The following ZMPSTE24 variants were observed in gnomAD, a reference collection of about 807,000 sequenced individuals.
ZMPSTE24 encodes CAAX prenyl protease 1 homolog.
Under a neutral mutation model 56.7 loss-of-function variants are expected in ZMPSTE24, and 48 were observed. The observed-to-expected ratio is 0.85, with a 90% CI of 0.67 to 1.08. ZMPSTE24 has a LOEUF of 1.08. Among genes scored for constraint, ZMPSTE24 ranks in the 50% least tolerant of loss-of-function variants. The pLI is 0.00. For synonymous variants in ZMPSTE24, 172 were observed against 195.2 expected, an observed-to-expected ratio of 0.88 and a Z score of 0.99; for missense variants, 503 against 548.7, an observed-to-expected ratio of 0.92 and a Z score of 0.83.
chr1:40,285,952 G>A lies in ZMPSTE24; in HGVS notation c.982G>A (p.Glu328Lys). The A allele has an allele frequency of 6.2e-7, 1 of 1,613,826 alleles. No homozygotes were observed. The highest frequency in any genetic ancestry group is 8.5e-7 in the Non-Finnish European group (1 of 1,179,844). Residue 328 changes from glutamate (E) to lysine (K), a missense_variant, in exon 8 of 10, where the codon GAG (glutamate) becomes AAG (lysine). Glu to Lys is a moderately conservative substitution (Grantham distance 56). Coordinates refer to ENST00000372759, the MANE Select transcript of ZMPSTE24 (RefSeq NM_005857.5). Reference protein sequence around the residue: ...KNKKQGCKNEEVLAVLGHELG... With the variant: ...KNKKQGCKNEKVLAVLGHELG... ...TAAGAAACAAGGATGTAAAAATGAG[G>A]AGGTACTCGCTGTACTAGGCCATGA... is the stretch of plus-strand genomic sequence containing the variant.
intron 8 of ZMPSTE24, among the ~76,000 whole-genome samples, chr1:40,287,689 A>T (rs1447936293): frequency 6.7e-6 from 1 of 150,052 alleles, no homozygotes; most frequent in African/African-American, 2.4e-5. Context: ...AAAAAAAAAA[A>T]AGTTGCCATA....
intron 2 of ZMPSTE24, 38 bp from the exon 3 acceptor site, chr1:40,267,748 A>G (rs1643570216): frequency 7.2e-7 from 1 of 1,398,008 alleles, no homozygotes; most frequent in South Asian, 1.2e-5. Flanking sequence ...AGTTTCTAGT[A>G]CTGTTCAACT....
At chr1:40,275,516 C>G (rs188978325) in intron 6 of ZMPSTE24, among the ~76,000 whole-genome samples, 281 of 151,932 alleles carry the variant, frequency 1.8e-3, no homozygotes, top group Non-Finnish European at 2.9e-3. Flanking sequence ...CTTTGAGAGG[C>G]TGAGGCAGGT....
rs1643862841 is a variant in ZMPSTE24 at position 40,293,511 on chromosome 1, A to G, written c.*842A>G. 1 of 152,238 alleles carries G rather than the reference A, an allele frequency of 6.6e-6. No individual in the cohort carries two copies. The allele number at this position is 152,238 out of a possible 1,614,324, so 9.4% of individuals were successfully genotyped here. A position where few individuals can be genotyped will look rare whatever the true frequency, so the allele number is the denominator to read the frequency against. Reference sequence around the variant, plus strand: ...ATTAAACACGTTTTGCTATGTTAAAAGTGGCAGAACAGGAAAGACGAATTA... The same window carrying G: ...ATTAAACACGTTTTGCTATGTTAAAGGTGGCAGAACAGGAAAGACGAATTA... On this transcript the variant is annotated 3_prime_UTR_variant, in exon 10 of 10. Transcript: ENST00000372759.
intron 1 of ZMPSTE24, 142 bp downstream of exon 1, chr1:40,258,536 C>T: frequency 3.4e-6 from 5 of 1,452,386 alleles, no homozygotes; most frequent in Non-Finnish European, 4.7e-6. Context: ...GTAACTTGGC[C>T]CGATGGCGGA....
At chr1:40,290,377 C>G (rs1206628054) in intron 8 of ZMPSTE24, among the ~76,000 whole-genome samples, 6 of 145,574 alleles carry the variant, frequency 4.1e-5, no homozygotes, top group African/African-American at 1.5e-4. Flanking sequence ...AGAGTGAGAT[C>G]TGTCTCAAAA....
rs766202821 is a variant in ZMPSTE24 at position 40,281,341 on chromosome 1, A to G, written c.770-2A>G. The G allele has an allele frequency of 6.2e-7, 1 of 1,613,836 alleles. No homozygotes were observed. On this transcript the variant is annotated splice_acceptor_variant, in intron 6 of 9. Transcript: ENST00000372759. LOFTEE classifies it high-confidence loss of function. ...CCATGCTTTGAACTGTCTTTTCCTT[A>G]GGATCTAAACGCTCTTCCCACAGCA...
At chr1:40,277,492 A>G (rs1050606634) in intron 6 of ZMPSTE24, among the ~76,000 whole-genome samples, 1 of 152,112 alleles carries the variant, frequency 6.6e-6, no homozygotes, top group African/African-American at 2.4e-5. Context: ...TGTTTCCAGT[A>G]TCTACTTCTA....
intron 1 of ZMPSTE24, 72 bp from the exon 2 acceptor site, chr1:40,260,767 C>A: frequency 6.6e-7 from 1 of 1,507,464 alleles, no homozygotes; most frequent in Non-Finnish European, 9.2e-7. Context: ...ATAAACCATT[C>A]GATGTTTGAT....
At position 40,290,788 on chromosome 1, in the gene ZMPSTE24, A is replaced by G; in HGVS notation, c.1060-66A>G. ...CACTGTGATTTCTTATACTTTATGGATGCTACTGATCCCATAGTGAAATCA... is the reference window on the plus strand; with the variant it reads ...CACTGTGATTTCTTATACTTTATGGGTGCTACTGATCCCATAGTGAAATCA... On this transcript the variant is annotated intron_variant, in intron 8 of 9. Transcript: ENST00000372759. 4 of 1,580,430 alleles carry G rather than the reference A, an allele frequency of 2.5e-6. No homozygotes were observed. In the South Asian group the frequency reaches 3.3e-5, roughly 13 times the overall value.
chr1:40,276,987 A>G (rs1643677075), intron 6 of ZMPSTE24, among the ~76,000 whole-genome samples: 2 of 151,964 alleles, frequency 1.3e-5, no homozygotes, highest in Admixed American at 6.6e-5. Context: ...ACTGTCCTAT[A>G]TGTAGTCTGT....
chr1:40,283,335 T>A (rs1020396071), intron 7 of ZMPSTE24, among the ~76,000 whole-genome samples: 2 of 151,906 alleles, frequency 1.3e-5, no homozygotes, highest in African/African-American at 4.8e-5. Context: ...GAAACCCCTG[T>A]CTCTACAAAA....
At chr1:40,277,868 T>C (rs531135222) in intron 6 of ZMPSTE24, among the ~76,000 whole-genome samples, 7 of 144,536 alleles carry the variant, frequency 4.8e-5, no homozygotes, top group African/African-American at 1.3e-4. Context: ...ACCCAGGAGG[T>C]TGAGGCAGGA....
Position 40,285,909 on chromosome 1 carries a change from AT to A in ZMPSTE24, c.955-7del, listed in dbSNP as rs564570606. ...AAAGGTTCTCAATAATTTATTTTTG[AT>A]TTTTTTTTATTCAGAATAAGAAACA... On this transcript the variant is annotated splice_polypyrimidine_tract_variant and intron_variant, in intron 7 of 9. Transcript: ENST00000372759. 71 of 1,584,106 alleles carry A rather than the reference AT, an allele frequency of 4.5e-5. No homozygotes were observed. Among genetic ancestry groups the A allele is most frequent in the East Asian group, 3.6e-4 (16 of 43,894 alleles).
chr1:40,277,035 G>A (rs1216861786), intron 6 of ZMPSTE24, among the ~76,000 whole-genome samples: 4 of 151,486 alleles, frequency 2.6e-5, no homozygotes, highest in African/African-American at 4.9e-5. Flanking sequence ...GACTGTATGC[G>A]ACATGCCAGG....
chr1:40,272,107 T>G, intron 6 of ZMPSTE24, 72 bp downstream of exon 6: 1 of 1,432,454 alleles, frequency 7.0e-7, no homozygotes, highest in Non-Finnish European at 9.3e-7. Context: ...TCTTAAAATT[T>G]TAATAAAAGA....
intron 3 of ZMPSTE24, 59 bp downstream of exon 3, chr1:40,267,931 C>A: frequency 1.3e-6 from 2 of 1,496,664 alleles, no homozygotes; most frequent in Non-Finnish European, 9.3e-7. Flanking sequence ...GCAGGCTTTC[C>A]ACTAAAGTTA....
chr1:40,258,416 C>G, intron 1 of ZMPSTE24, 22 bp downstream of exon 1: 1 of 1,613,876 alleles, frequency 6.2e-7, no homozygotes, highest in Non-Finnish European at 8.5e-7. Flanking sequence ...CAGGGTCCAA[C>G]CTGACCCCCA....
chr1:40,277,778 G>A (rs1643684909), intron 6 of ZMPSTE24, among the ~76,000 whole-genome samples: 1 of 151,830 alleles, frequency 6.6e-6, no homozygotes, highest in Non-Finnish European at 1.5e-5. Flanking sequence ...AGACCAGCCT[G>A]GCCAACATGA....
Sources: gnomAD v4.1 joint callset for allele counts (sites outside exome capture counted in the v4.1 genomes callset) on GRCh38, gnomAD v4.1.1 for gene constraint, MANE v1.5 for transcripts, NCBI Gene and HGNC (gene_info 2026-07-23, HGNC 2026-07-21) for gene names.